The following ASIC2 variants were observed in gnomAD, a reference collection of about 807,000 sequenced individuals.
ASIC2 encodes the protein acid-sensing ion channel 2.
In ASIC2, 25 loss-of-function variants were observed where a neutral mutation model predicts 57.3. That is an observed-to-expected ratio of 0.44 (90% confidence interval 0.32 to 0.61). ASIC2 has a LOEUF of 0.61. Among genes scored for constraint, ASIC2 ranks in the 20% least tolerant of loss-of-function variants. ASIC2 has a pLI of 0.06. For missense variants in ASIC2, 641 were observed against 738.1 expected (o/e 0.87, Z 1.52); for synonymous variants, 319 against 307.5 (o/e 1.04, Z -0.39).
intron 1 of ASIC2, among the ~76,000 whole-genome samples, chr17:33,280,590 G>C (rs564171745): frequency 1.3e-5 from 2 of 152,342 alleles, no homozygotes; most frequent in Non-Finnish European, 2.9e-5. Flanking sequence ...GATGTTGGCA[G>C]CCATGTGCCT....
chr17:33,764,923 T>C (rs1910890572), intron 1 of ASIC2, among the ~76,000 whole-genome samples: 1 of 152,106 alleles, frequency 6.6e-6, no homozygotes, highest in Non-Finnish European at 1.5e-5. Flanking sequence ...TCTCTTCTGC[T>C]CATGGACCAT....
chr17:33,509,586 G>A (rs9916270), intron 1 of ASIC2, among the ~76,000 whole-genome samples: 30,493 of 152,094 alleles, frequency 0.2, 3,156 homozygotes, highest in East Asian at 0.33. Context: ...GCGGGGCTGC[G>A]TGCCTGCTGC....
At chr17:33,510,196 C>T (rs1290433855) in intron 1 of ASIC2, among the ~76,000 whole-genome samples, 1 of 152,186 alleles carries the variant, frequency 6.6e-6, no homozygotes, top group Non-Finnish European at 1.5e-5. Flanking sequence ...GAGCAGAGAT[C>T]TCTAACTGAT....
intron 1 of ASIC2, among the ~76,000 whole-genome samples, chr17:33,857,223 C>T (rs317345): frequency 0.68 from 103,818 of 152,088 alleles, 36,701 homozygotes; most frequent in Admixed American, 0.8. Context: ...CCAGACATGA[C>T]GTATCTTGAC....
At chr17:33,021,928 A>G (rs2091837461) in intron 6 of ASIC2, among the ~76,000 whole-genome samples, 1 of 152,108 alleles carries the variant, frequency 6.6e-6, no homozygotes, top group South Asian at 2.1e-4. Flanking sequence ...CTCGGCAGTA[A>G]AAGTCGTTAC....
At chr17:33,997,594 T>C (rs1168749696) in intron 1 of ASIC2, among the ~76,000 whole-genome samples, 1 of 152,170 alleles carries the variant, frequency 6.6e-6, no homozygotes, top group African/African-American at 2.4e-5. Flanking sequence ...GGATGTTGAA[T>C]TTTATCAAAT....
chr17:33,702,848 T>C, intron 1 of ASIC2, among the ~76,000 whole-genome samples: 1 of 152,224 alleles, frequency 6.6e-6, no homozygotes, highest in South Asian at 2.1e-4. Flanking sequence ...AAATATTTAT[T>C]GAGCATCCTC....
chr17:33,992,440 C>A (rs977567811), intron 1 of ASIC2, among the ~76,000 whole-genome samples: 2 of 152,176 alleles, frequency 1.3e-5, no homozygotes, highest in African/African-American at 2.4e-5. Context: ...TTGACCCTGC[C>A]AGGCTGAATT....
intron 1 of ASIC2, among the ~76,000 whole-genome samples, chr17:33,633,733 T>C (rs996070262): frequency 5.3e-5 from 8 of 152,196 alleles, no homozygotes; most frequent in Non-Finnish European, 1.2e-4. Context: ...AACCATTTAA[T>C]AGCTTCTCAG....
At chr17:33,129,209 C>T (rs2092335896) in intron 1 of ASIC2, among the ~76,000 whole-genome samples, 1 of 152,228 alleles carries the variant, frequency 6.6e-6, no homozygotes, top group Non-Finnish European at 1.5e-5. Context: ...GTGGGCAACA[C>T]CTCTCACGGC....
intron 1 of ASIC2, among the ~76,000 whole-genome samples, chr17:33,564,983 A>G (rs954496916): frequency 6.6e-6 from 1 of 152,242 alleles, no homozygotes; most frequent in Non-Finnish European, 1.5e-5. Context: ...CTATAGAAAC[A>G]ATGCTAATGA....
At chr17:33,409,930 T>C (rs902326545) in intron 1 of ASIC2, among the ~76,000 whole-genome samples, 1 of 152,194 alleles carries the variant, frequency 6.6e-6, no homozygotes, top group Non-Finnish European at 1.5e-5. Flanking sequence ...TTGATCCAGC[T>C]CAGGCCAACA....
At chr17:33,139,078 T>C in intron 1 of ASIC2, among the ~76,000 whole-genome samples, 1 of 152,136 alleles carries the variant, frequency 6.6e-6, no homozygotes, top group African/African-American at 2.4e-5. Flanking sequence ...TCCCTAAACC[T>C]CCTTCCAGCT....
intron 1 of ASIC2, among the ~76,000 whole-genome samples, chr17:33,313,528 A>G (rs1452823670): frequency 6.6e-6 from 1 of 152,058 alleles, no homozygotes; most frequent in Non-Finnish European, 1.5e-5. Context: ...GGTCCAATAA[A>G]TGTTTGTCTT....
rs147239897 is a variant in ASIC2 at position 34,009,362 on chromosome 17, C to T, written c.555+146616G>A. 4.4e-3 allele frequency among the ~76,000 whole-genome samples: 671 copies of T among 152,280 alleles called. 2 individuals are homozygous for T. The highest frequency in any genetic ancestry group is 7.0e-3 in the Non-Finnish European group (473 of 68,024). The stretch of plus-strand genomic sequence containing the variant: ...CCACCAGCCACACTAGGTTATTGAG[C>T]GCCTGCAGTGTGGCAGGTCTGAAAT... On this transcript the variant is annotated intron_variant, in intron 1 of 9. Transcript: ENST00000359872.
At chr17:33,016,802 T>C (rs1402907428) in intron 8 of ASIC2, among the ~76,000 whole-genome samples, 2 of 151,908 alleles carry the variant, frequency 1.3e-5, no homozygotes, top group Non-Finnish European at 2.9e-5. Context: ...CAGGCATTCT[T>C]TGGAAGTTCT....
chr17:33,151,687 C>T (rs1482044880), intron 1 of ASIC2, among the ~76,000 whole-genome samples: 2 of 152,174 alleles, frequency 1.3e-5, no homozygotes, highest in African/African-American at 4.8e-5. Context: ...GATGGGTTCA[C>T]CCCACTTCCC....
At chr17:34,045,247 A>G (rs1908293236) in intron 1 of ASIC2, among the ~76,000 whole-genome samples, 3 of 152,142 alleles carry the variant, frequency 2.0e-5, no homozygotes. Context: ...TAATATTCCC[A>G]AAGCACATCC....
At chr17:34,092,594 C>T (rs1400033789) in intron 1 of ASIC2, among the ~76,000 whole-genome samples, 1 of 152,174 alleles carries the variant, frequency 6.6e-6, no homozygotes, top group Non-Finnish European at 1.5e-5. Flanking sequence ...CGTGTGATGC[C>T]TGACTTCTAG....
Sources: gnomAD v4.1 joint callset for allele counts (sites outside exome capture counted in the v4.1 genomes callset) on GRCh38, gnomAD v4.1.1 for gene constraint, MANE v1.5 for transcripts, NCBI Gene and HGNC (gene_info 2026-07-23, HGNC 2026-07-21) for gene names.